RTN4RL1: variants seen among roughly 807,000 people sequenced by gnomAD.
RTN4RL1 encodes reticulon-4 receptor-like 1.
Under a neutral mutation model 25.6 loss-of-function variants are expected in RTN4RL1, and 7 were observed. That is an observed-to-expected ratio of 0.27 (90% CI 0.16 to 0.51). The LOEUF is 0.51. RTN4RL1 is among the 20% of genes least tolerant of loss of function. RTN4RL1 has a pLI of 0.97. For synonymous variants in RTN4RL1, 297 were observed against 288.2 expected (o/e 1.03, Z -0.31); for missense variants, 500 against 615.6 (o/e 0.81, Z 1.99).
At chr17:1,979,510 A>ATTTC (rs1355532328) in intron 1 of RTN4RL1, among the ~76,000 whole-genome samples, 2 of 62,676 alleles carry the variant, frequency 3.2e-5, no homozygotes, top group Non-Finnish European at 6.3e-5. Context: ...GAAGGAAAGA[A>ATTTC]AAGAAATGCT....
At chr17:1,946,743 G>A (rs550909974) in intron 1 of RTN4RL1, among the ~76,000 whole-genome samples, 5 of 149,218 alleles carry the variant, frequency 3.4e-5, no homozygotes, top group African/African-American at 1.2e-4. Context: ...GTGTGTGCAC[G>A]GGGTCTGTGT....
In RTN4RL1 at chr17:1,964,325, C is replaced by T. The variant is rs545117490; in HGVS notation, c.14-26517G>A. 1.4e-4 allele frequency among the ~76,000 whole-genome samples: 21 copies of T among 152,316 alleles called. No individual in the cohort carries two copies. In the South Asian group the frequency reaches 3.3e-3, roughly 24 times the overall value. On this transcript the variant is annotated intron_variant, in intron 1 of 1. Transcript: ENST00000331238. Reference sequence around the variant, plus strand: ...ATTTTAGGCCCAGTGTGGCTCCTCACGCCTGGAATCCCAGCTCTTTGAGAG... The same window carrying T: ...ATTTTAGGCCCAGTGTGGCTCCTCATGCCTGGAATCCCAGCTCTTTGAGAG...
In RTN4RL1 at chr17:2,021,272, C is replaced by T. The variant is rs77214646; in HGVS notation, c.13+3581G>A. ...GATCCTTATGGCCCAAGGTGTGCTC[C>T]GCCTTCCTCCTCCTCTGGGGCTTCA... On this transcript the variant is annotated intron_variant, in intron 1 of 1. Coordinates refer to ENST00000331238, the MANE Select transcript of RTN4RL1 (RefSeq NM_178568.4). Among the ~76,000 whole-genome samples the T allele has an allele frequency of 5.3e-3, 811 of 152,262 alleles. 12 individuals carry two copies. The highest frequency in any genetic ancestry group is 7.7e-3 in the Non-Finnish European group (524 of 68,018).
intron 1 of RTN4RL1, among the ~76,000 whole-genome samples, chr17:1,948,887 G>T (rs1477938345): frequency 6.6e-6 from 1 of 152,070 alleles, no homozygotes; most frequent in Non-Finnish European, 1.5e-5. Context: ...CCGCCTCCTG[G>T]GCTCAAGTCA....
intron 1 of RTN4RL1, among the ~76,000 whole-genome samples, chr17:1,971,453 T>C (rs1048388406): frequency 2.0e-5 from 3 of 152,082 alleles, no homozygotes; most frequent in Non-Finnish European, 2.9e-5. Context: ...GTTTTATAGA[T>C]GAGGAAGCTG....
At chr17:1,977,645 G>A (rs549142948) in intron 1 of RTN4RL1, among the ~76,000 whole-genome samples, 120 of 152,256 alleles carry the variant, frequency 7.9e-4, no homozygotes, top group Middle Eastern at 3.4e-3. Flanking sequence ...GGTAAGTGGG[G>A]GCGGGAGGAG....
chr17:1,989,814 C>G (rs1434300469), intron 1 of RTN4RL1, among the ~76,000 whole-genome samples: 3 of 151,920 alleles, frequency 2.0e-5, no homozygotes, highest in African/African-American at 7.3e-5. Flanking sequence ...CCTCATGATC[C>G]ACCAGCCTCA....
intron 1 of RTN4RL1, among the ~76,000 whole-genome samples, chr17:1,967,940 C>T (rs987672512): frequency 6.6e-6 from 1 of 152,170 alleles, no homozygotes; most frequent in Non-Finnish European, 1.5e-5. Flanking sequence ...CGGGCCCGGC[C>T]TCCAGTCTCT....
intron 1 of RTN4RL1, among the ~76,000 whole-genome samples, chr17:2,023,144 A>G (rs2067230734): frequency 1.3e-5 from 2 of 152,148 alleles, no homozygotes; most frequent in African/African-American, 4.8e-5. Flanking sequence ...CCTATCACAG[A>G]CCTGCAGCCC....
chr17:1,948,051 T>G (rs1252840130), intron 1 of RTN4RL1, among the ~76,000 whole-genome samples: 1 of 152,162 alleles, frequency 6.6e-6, no homozygotes, highest in Non-Finnish European at 1.5e-5. Flanking sequence ...CAGTGGACCC[T>G]GGACCCTGGA....
At chr17:1,963,139 G>A (rs139497504) in intron 1 of RTN4RL1, among the ~76,000 whole-genome samples, 4 of 152,216 alleles carry the variant, frequency 2.6e-5, no homozygotes, top group Admixed American at 1.3e-4. Flanking sequence ...GAGGGTCCCC[G>A]CTCTTTGGGT....
At chr17:2,016,777 G>A (rs4467122) in intron 1 of RTN4RL1, among the ~76,000 whole-genome samples, 41,551 of 152,092 alleles carry the variant, frequency 0.27, 6,128 homozygotes, top group East Asian at 0.54. Flanking sequence ...GCCTGCCCAG[G>A]TGCCCCTCAC....
chr17:1,969,325 G>GGGAT (rs1281116936), intron 1 of RTN4RL1, among the ~76,000 whole-genome samples: 9 of 152,014 alleles, frequency 5.9e-5, no homozygotes, highest in African/African-American at 2.2e-4. Flanking sequence ...CCAAAGTGCT[G>GGGAT]GGATTACAGG....
At chr17:2,021,720 A>C (rs1344952705) in intron 1 of RTN4RL1, among the ~76,000 whole-genome samples, 1 of 151,602 alleles carries the variant, frequency 6.6e-6, no homozygotes, top group East Asian at 2.0e-4. Flanking sequence ...ACGCCCGGCT[A>C]ATTTTTGTAT....
intron 1 of RTN4RL1, among the ~76,000 whole-genome samples, chr17:1,980,211 G>A (rs971853375): frequency 8.2e-5 from 12 of 145,798 alleles, no homozygotes; most frequent in African/African-American, 2.1e-4. Context: ...CTACAAGCTC[G>A]TGCCACCACG....
At chr17:2,005,885 CA>C in intron 1 of RTN4RL1, among the ~76,000 whole-genome samples, 1 of 151,540 alleles carries the variant, frequency 6.6e-6, no homozygotes, top group East Asian at 1.9e-4. Flanking sequence ...CAACCTCCGC[CA>C]CCCGGGTTCC....
intron 1 of RTN4RL1, among the ~76,000 whole-genome samples, chr17:1,963,802 G>C (rs2066776609): frequency 1.3e-5 from 2 of 152,256 alleles, no homozygotes; most frequent in South Asian, 2.1e-4. Flanking sequence ...TGCGATCTCG[G>C]CTGAGCGCAA....
intron 1 of RTN4RL1, among the ~76,000 whole-genome samples, chr17:1,997,333 T>A (rs758412285): frequency 6.6e-6 from 1 of 152,182 alleles, no homozygotes; most frequent in Non-Finnish European, 1.5e-5. Context: ...CAACCCATCG[T>A]CCTCAGCCAG....
At chr17:1,938,961 G>A (rs553026329) in intron 1 of RTN4RL1, among the ~76,000 whole-genome samples, 12 of 152,088 alleles carry the variant, frequency 7.9e-5, no homozygotes, top group East Asian at 3.9e-4. Flanking sequence ...CAGGAGAATC[G>A]TTTGAACCTG....
Sources: gnomAD v4.1 joint callset for allele counts (sites outside exome capture counted in the v4.1 genomes callset) on GRCh38, gnomAD v4.1.1 for gene constraint, MANE v1.5 for transcripts, NCBI Gene and HGNC (gene_info 2026-07-23, HGNC 2026-07-21) for gene names.